Variants in ZC3H13 observed in about 807,000 individuals in gnomAD.
ZC3H13 encodes zinc finger CCCH-type containing 13, also known as zinc finger CCCH domain-containing protein 13.
A neutral mutation model predicts 204.1 loss-of-function variants in ZC3H13; 64 were observed. The observed-to-expected ratio is 0.31, with a 90% CI of 0.26 to 0.39. ZC3H13 has a LOEUF of 0.39. Among genes scored for constraint, ZC3H13 ranks in the 10% least tolerant of loss-of-function variants. The pLI is 1.00. For missense variants in ZC3H13, 1,833 were observed against 2,082.7 expected (o/e 0.88, Z 2.33); for synonymous variants, 667 against 693.7 (o/e 0.96, Z 0.60).
intron 17 of ZC3H13, among the ~76,000 whole-genome samples, chr13:45,960,088 A>G (rs1049970227): frequency 2.0e-5 from 3 of 152,064 alleles, no homozygotes; most frequent in Non-Finnish European, 4.4e-5. Context: ...AGTAGCTGGG[A>G]TTACAGGCGT....
chr13:46,007,673 C>T (rs765395318), intron 7 of ZC3H13, among the ~76,000 whole-genome samples: 2 of 152,118 alleles, frequency 1.3e-5, no homozygotes, highest in Non-Finnish European at 2.9e-5. Context: ...ACTGAAGAGG[C>T]CAAAACTGGT....
In ZC3H13 at chr13:45,968,008, G is replaced by A; in HGVS notation, c.3817C>T (p.His1273Tyr). 1 of 1,597,854 alleles carries A rather than the reference G, an allele frequency of 6.3e-7. No homozygotes were observed. The highest frequency in any genetic ancestry group is 2.2e-5 in the East Asian group (1 of 44,808). ...TCTGGAGAACTTCTTCTTGAACTAT[G>A]GCTTCTTGAATCCTGGCGATCTAAA... is the stretch of plus-strand genomic sequence containing the variant. ...TSSDRQDSRS[H>Y]SSRRSSPESD... The change falls in exon 15 of 19, where the codon CAT (histidine) becomes TAT (tyrosine). Residue 1273 changes from histidine (H) to tyrosine (Y), a missense_variant. His to Tyr is a moderately conservative substitution (Grantham distance 83). This residue lies in a region of ZC3H13 where 1,574 missense variants were observed against 1,757.2 expected (regional missense o/e 0.90). Transcript: ENST00000679008.
rs1951871681 is a variant in ZC3H13, at chr13:45,963,885, G to A, written c.4632C>T (p.Ala1544=). 1 of 1,613,902 alleles carries A rather than the reference G, an allele frequency of 6.2e-7. No individual in the cohort carries two copies. ...GTCTCTGACATGTTTCTTTGACTTT[G>A]GCAAAGAGTTCAGAACCTGCCAACT... ...SKKLAGSELF[A]KVKETCQRLL... The change falls in exon 17 of 19, where the codon GCC becomes GCT. Residue 1544 remains alanine (A), a synonymous_variant. Transcript: ENST00000679008.
At position 45,957,218 on chromosome 13, in the gene ZC3H13, C is replaced by T. The variant is rs762309022; in HGVS notation, c.4919G>A (p.Arg1640Gln). The stretch of plus-strand genomic sequence containing the variant: ...TCCTGGAGCATGGCAAGTAGTCTTC[C>T]GCTTAAATAACCGAAGACTCAATCG... ...LLRLSLRLFKRKTTCHAPGHE... is the reference protein window; with the variant it reads ...LLRLSLRLFKQKTTCHAPGHE... The change falls in exon 19 of 19, where the codon CGG becomes CAG. Residue 1640 changes from arginine to glutamine, a missense_variant. By Grantham distance (43) the Arg-to-Gln change is conservative (BLOSUM62 1). This residue lies in a region of ZC3H13 where 211 missense variants were observed against 228.4 expected (regional missense o/e 0.92). Coordinates refer to ENST00000679008, the MANE Select transcript of ZC3H13 (RefSeq NM_001330564.2). 4.9e-5 allele frequency: 76 copies of T among 1,548,602 alleles called. No homozygotes were observed. Among genetic ancestry groups the T allele is most frequent in the East Asian group, 2.4e-5 (1 of 40,874 alleles).
Position 45,969,320 on chromosome 13 carries a change from C to T in ZC3H13, c.3224G>A (p.Arg1075His), listed in dbSNP as rs143045784. Residue 1075 changes from arginine (R) to histidine (H), a missense_variant, in exon 14 of 19, where the codon CGT becomes CAT. Transcript: ENST00000679008. The stretch of plus-strand genomic sequence containing the variant: ...ATGCTCTGCTTCTGTCACCTCTGTA[C>T]GGTCAGGGACATCCTCATCAGACCA... Reference protein sequence around the residue: ...SDWSDEDVPDRTEVTEAEHTA... With the variant: ...SDWSDEDVPDHTEVTEAEHTA... The T allele has an allele frequency of 1.8e-5, 29 of 1,613,688 alleles. No individual in the cohort carries two copies. Among genetic ancestry groups the T allele is most frequent in the Admixed American group, 6.7e-5 (4 of 59,986 alleles).
rs144881601 is a variant in ZC3H13, at chr13:46,010,447, C to A, written c.647G>T (p.Ser216Ile). ...LSPSPSLRKS[S>I]KSPKRKSSPK... The stretch of plus-strand genomic sequence containing the variant: ...GCTTGATTTTCGCTTCGGAGATTTG[C>A]TAGACTTTCTTAGAGAAGGTGACGG... Residue 216 changes from serine (S) to isoleucine (I), a missense_variant, in exon 7 of 19, where the codon AGC becomes ATC. Transcript: ENST00000679008. 3 of 1,613,620 alleles carry A rather than the reference C, an allele frequency of 1.9e-6. No homozygotes were observed. Among genetic ancestry groups the A allele is most frequent in the South Asian group, 1.1e-5 (1 of 91,064 alleles).
At chr13:45,995,092 C>T (rs985442298) in intron 8 of ZC3H13, among the ~76,000 whole-genome samples, 1 of 151,824 alleles carries the variant, frequency 6.6e-6, no homozygotes, top group African/African-American at 2.4e-5. Flanking sequence ...CAGGTAGAGG[C>T]TATTTTATTA....
chr13:46,032,343 A>G (rs1313705489), intron 4 of ZC3H13, among the ~76,000 whole-genome samples: 1 of 148,800 alleles, frequency 6.7e-6, no homozygotes, highest in Admixed American at 6.8e-5. Context: ...AGAATTTTTA[A>G]AACAGAGAAG....
intron 8 of ZC3H13, among the ~76,000 whole-genome samples, chr13:45,997,320 T>C (rs1038158212): frequency 6.6e-6 from 1 of 152,252 alleles, no homozygotes; most frequent in Non-Finnish European, 1.5e-5. Context: ...AATGACAGTT[T>C]GGGAGGAAAG....
intron 4 of ZC3H13, among the ~76,000 whole-genome samples, chr13:46,028,938 C>T (rs558549275): frequency 2.6e-5 from 4 of 151,940 alleles, no homozygotes; most frequent in African/African-American, 9.6e-5. Context: ...AGAAAATAAA[C>T]TTAAGAATTA....
chr13:46,022,350 T>C (rs532084417), intron 4 of ZC3H13, among the ~76,000 whole-genome samples: 20 of 151,942 alleles, frequency 1.3e-4, no homozygotes, highest in Non-Finnish European at 2.7e-4. Flanking sequence ...ATTAAGAAGG[T>C]CTAGCTAATT....
At position 45,955,675 on chromosome 13, in the gene ZC3H13, T is replaced by A. The variant is rs1487972711; in HGVS notation, c.*1452A>T. 1.3e-5 allele frequency: 2 copies of A among 152,080 alleles called. No homozygotes were observed. The highest frequency in any genetic ancestry group is 4.8e-5 in the African/African-American group (2 of 41,414). 9.4% of individuals were successfully genotyped at this position (152,080 alleles called of 1,614,324 possible). On this transcript the variant is annotated 3_prime_UTR_variant, in exon 19 of 19. Coordinates refer to ENST00000679008, the MANE Select transcript of ZC3H13 (RefSeq NM_001330564.2). The stretch of plus-strand genomic sequence containing the variant: ...TATTCATTCTCTGAGGTCATACATT[T>A]TTTTTTTCTTTATTCAAAACACTTA...
intron 11 of ZC3H13, among the ~76,000 whole-genome samples, chr13:45,977,192 G>A (rs903686612): frequency 6.6e-6 from 1 of 152,056 alleles, no homozygotes; most frequent in Non-Finnish European, 1.5e-5. Context: ...ACTTAAAGTG[G>A]TTCTTCTGTA....
In ZC3H13 at chr13:46,052,397, C is replaced by T. The variant is rs1460127831; in HGVS notation, c.-10+7G>A. 7.6e-6 allele frequency: 3 copies of T among 396,566 alleles called. No homozygotes were observed. Among genetic ancestry groups the T allele is most frequent in the Non-Finnish European group, 1.3e-5 (3 of 225,396 alleles). The allele number at this position is 396,566 out of a possible 1,614,324, so 24.6% of individuals were successfully genotyped here. A position where few individuals can be genotyped will look rare whatever the true frequency, so the allele number is the denominator to read the frequency against. ...CAGATACCCACACCAATTCACAGAA[C>T]GCTTACTTCCTCCCCAAGCTCCCTT... On this transcript the variant is annotated splice_region_variant and intron_variant, in intron 1 of 18. Transcript: ENST00000679008.
At chr13:45,998,324 T>C (rs1481343908) in intron 8 of ZC3H13, among the ~76,000 whole-genome samples, 1 of 152,122 alleles carries the variant, frequency 6.6e-6, no homozygotes, top group Non-Finnish European at 1.5e-5. Context: ...TATACTGTAG[T>C]CTTTTAAGTG....
intron 7 of ZC3H13, among the ~76,000 whole-genome samples, chr13:46,003,785 G>A (rs2040925350): frequency 6.6e-6 from 1 of 151,640 alleles, no homozygotes; most frequent in Admixed American, 6.6e-5. Context: ...TTTAAAACTG[G>A]GTATTCACAT....
At chr13:46,024,268 T>G (rs907786207) in intron 4 of ZC3H13, among the ~76,000 whole-genome samples, 1 of 152,190 alleles carries the variant, frequency 6.6e-6, no homozygotes, top group Non-Finnish European at 1.5e-5. Flanking sequence ...TAATAAAAAT[T>G]TCTCCTTTAC....
intron 17 of ZC3H13, chr13:45,963,639 T>A: frequency 7.2e-7 from 1 of 1,386,214 alleles, no homozygotes; most frequent in Non-Finnish European, 9.3e-7. Context: ...TTTCCCAACT[T>A]TTCTGTGGGA....
In ZC3H13 at chr13:46,011,678, A is replaced by G. The variant is rs548262966; in HGVS notation, c.449-124T>C. On this transcript the variant is annotated intron_variant, in intron 5 of 18. Transcript: ENST00000679008. The stretch of plus-strand genomic sequence containing the variant: ...TAGCAGAGTCTTTCATCAGGATCAC[A>G]TACTTCTAAAAGATAAAAGAAATAG... The G allele has an allele frequency of 1.8e-5, 11 of 604,568 alleles. 1 individual carries two copies. In the African/African-American group the frequency reaches 1.9e-4, roughly 10 times the overall value. The allele number at this position is 604,568 out of a possible 1,614,324, so 37.5% of individuals were successfully genotyped here.
Sources: allele counts gnomAD v4.1 joint callset (sites outside exome capture counted in the v4.1 genomes callset), GRCh38; gene constraint gnomAD v4.1.1; regional missense constraint gnomAD v4.1.1; transcripts MANE v1.5; gene names NCBI Gene and HGNC (gene_info 2026-07-23, HGNC 2026-07-21).